Variants in GPHN observed in about 807,000 individuals in gnomAD.
GPHN encodes the protein gephyrin.
GPHN carries 17 observed loss-of-function variants against 95.5 expected under a neutral mutation model. The observed-to-expected ratio is 0.18, with a 90% CI of 0.12 to 0.27. The LOEUF (loss-of-function observed/expected upper bound fraction) is 0.27. GPHN is among the 10% of genes least tolerant of loss of function. GPHN has a pLI of 1.00. For missense variants in GPHN, 660 were observed against 978.1 expected, an observed-to-expected ratio of 0.67 and a Z score of 4.34; for synonymous variants, 320 against 322.5, an observed-to-expected ratio of 0.99 and a Z score of 0.08.
chr14:67,171,749 A>G (rs1455608978), intron 21 of GPHN, among the ~76,000 whole-genome samples: 1 of 152,210 alleles, frequency 6.6e-6, no homozygotes, highest in Non-Finnish European at 1.5e-5. Context: ...GTGGAGTAAC[A>G]GAAACCCTGG....
intron 1 of GPHN, among the ~76,000 whole-genome samples, chr14:66,554,228 A>T (rs2059927095): frequency 6.6e-6 from 1 of 152,196 alleles, no homozygotes. Context: ...GATAGAAATA[A>T]AATTAAGGTT....
At chr14:66,796,940 C>T (rs770937653) in intron 3 of GPHN, among the ~76,000 whole-genome samples, 4 of 148,620 alleles carry the variant, frequency 2.7e-5, no homozygotes, top group African/African-American at 4.9e-5. Context: ...CTTGTAGTTT[C>T]ATAGTTTGAG....
intron 10 of GPHN, among the ~76,000 whole-genome samples, chr14:67,037,957 T>G (rs1203142801): frequency 6.6e-6 from 1 of 152,010 alleles, no homozygotes; most frequent in African/African-American, 2.4e-5. Context: ...TCTGGGTATA[T>G]ATCCAAAAGA....
At chr14:66,591,521 CAG>C (rs138377742) in intron 1 of GPHN, among the ~76,000 whole-genome samples, 3 of 151,810 alleles carry the variant, frequency 2.0e-5, no homozygotes, top group Non-Finnish European at 2.9e-5. Context: ...AATAGAGAAA[CAG>C]AGAGTGAAAT....
At chr14:67,424,989 G>C in the GPHN span, among the ~76,000 whole-genome samples, 1 of 152,220 alleles carries the variant, frequency 6.6e-6, no homozygotes, top group African/African-American at 2.4e-5. Flanking sequence ...CTTTGGATAG[G>C]AAGGACATCA....
At chr14:66,903,690 GT>G (rs2065231813) in intron 5 of GPHN, among the ~76,000 whole-genome samples, 2 of 151,990 alleles carry the variant, frequency 1.3e-5, no homozygotes, top group Non-Finnish European at 2.9e-5. Context: ...TTTGTCATTT[GT>G]TTTCTGGTTG....
intron 2 of GPHN, among the ~76,000 whole-genome samples, chr14:66,739,520 CTT>C (rs556885727): frequency 1.5e-4 from 20 of 135,164 alleles, no homozygotes; most frequent in Non-Finnish European, 1.9e-4. Flanking sequence ...CCGGCCCCTG[CTT>C]TTTTTTTTTT....
intron 1 of GPHN, among the ~76,000 whole-genome samples, chr14:66,620,508 G>T (rs576390015): frequency 6.6e-6 from 1 of 152,040 alleles, no homozygotes; most frequent in Non-Finnish European, 1.5e-5. Flanking sequence ...GACCTCATGA[G>T]AACTCATTCA....
chr14:67,302,896 G>A, the GPHN span, among the ~76,000 whole-genome samples: 57 of 152,112 alleles, frequency 3.7e-4, no homozygotes, highest in African/African-American at 1.3e-3. Flanking sequence ...AACAAAGTCT[G>A]TGTCCTGATG....
chr14:67,628,306 C>T, the GPHN span, among the ~76,000 whole-genome samples: 109 of 152,286 alleles, frequency 7.2e-4, 1 homozygote, highest in African/African-American at 2.6e-3. Context: ...TACACTACTG[C>T]CTCAAACTTC....
chr14:66,607,394 G>T (rs1263846058), intron 1 of GPHN, among the ~76,000 whole-genome samples: 1 of 149,110 alleles, frequency 6.7e-6, no homozygotes, highest in African/African-American at 2.5e-5. Flanking sequence ...GTATTTTTGT[G>T]TTTTTTTTTG....
chr14:67,331,775 C>G, the GPHN span, among the ~76,000 whole-genome samples: 1 of 152,118 alleles, frequency 6.6e-6, no homozygotes, highest in South Asian at 2.1e-4. Context: ...AGTTTCAGTT[C>G]TCTGTGGAGT....
At chr14:66,928,859 C>G (rs560219134) in intron 8 of GPHN, among the ~76,000 whole-genome samples, 2 of 151,786 alleles carry the variant, frequency 1.3e-5, no homozygotes, top group Non-Finnish European at 2.9e-5. Context: ...TAGTTTTATG[C>G]TGTTGTGGGT....
At chr14:66,875,050 C>T (rs2063591472) in intron 4 of GPHN, among the ~76,000 whole-genome samples, 1 of 152,176 alleles carries the variant, frequency 6.6e-6, no homozygotes, top group Non-Finnish European at 1.5e-5. Flanking sequence ...AAGCTAATGG[C>T]AGATCTCTCG....
the GPHN span, among the ~76,000 whole-genome samples, chr14:67,516,860 T>C: frequency 1.3e-5 from 2 of 152,184 alleles, no homozygotes; most frequent in Non-Finnish European, 2.9e-5. Flanking sequence ...CTCAAACTAG[T>C]ACAGGAGGTA....
chr14:66,550,283 A>G (rs2059763891), intron 1 of GPHN, among the ~76,000 whole-genome samples: 1 of 152,220 alleles, frequency 6.6e-6, no homozygotes, highest in Non-Finnish European at 1.5e-5. Flanking sequence ...ATTAACAGTA[A>G]TTTGGAAGAA....
the GPHN span, among the ~76,000 whole-genome samples, chr14:67,373,345 A>G: frequency 6.6e-6 from 1 of 152,208 alleles, no homozygotes; most frequent in Non-Finnish European, 1.5e-5. Flanking sequence ...TTTTAATGAA[A>G]AAGAATGCTC....
chr14:67,473,926 C>G, the GPHN span: 1 of 1,596,346 alleles, frequency 6.3e-7, no homozygotes, highest in African/African-American at 1.3e-5. This position sits in a 1 kb window ranked among gnomAD's most constrained non-coding sequence, Gnocchi z 6.5. Context: ...GACGCCATGG[C>G]GCCGACTGGG....
At chr14:67,706,769 C>T in the GPHN span, among the ~76,000 whole-genome samples, 2 of 152,084 alleles carry the variant, frequency 1.3e-5, no homozygotes, top group East Asian at 3.8e-4. Context: ...TTTCTCCACC[C>T]TTTAAAAAAA....
Sources: allele counts gnomAD v4.1 joint callset (sites outside exome capture counted in the v4.1 genomes callset), GRCh38; gene constraint gnomAD v4.1.1; non-coding constraint Gnocchi (gnomAD v3.1); transcripts MANE v1.5; gene names NCBI Gene and HGNC (gene_info 2026-07-23, HGNC 2026-07-21).